The following RABEP1 variants were observed in gnomAD, a reference collection of about 807,000 sequenced individuals.
RABEP1 encodes the protein rabaptin, RAB GTPase binding effector protein 1.
Under a neutral mutation model 123.4 loss-of-function variants are expected in RABEP1, and 51 were observed. That is an observed-to-expected ratio of 0.41 (90% CI 0.33 to 0.52). RABEP1 has a LOEUF of 0.52. RABEP1 is among the 20% of genes least tolerant of loss of function. The pLI is 0.16. For synonymous variants in RABEP1, 347 were observed against 355.2 expected (o/e 0.98, Z 0.26); for missense variants, 888 against 996.3 (o/e 0.89, Z 1.46).
chr17:5,288,803 A>C (rs1459608996), intron 1 of RABEP1, among the ~76,000 whole-genome samples: 1 of 152,180 alleles, frequency 6.6e-6, no homozygotes, highest in African/African-American at 2.4e-5. Context: ...TCCCAGGTTC[A>C]GGCGATTCTC....
intron 1 of RABEP1, among the ~76,000 whole-genome samples, 172 bp from the exon 2 acceptor site, chr17:5,308,522 G>C (rs113530122): frequency 1.3e-5 from 2 of 152,248 alleles, no homozygotes; most frequent in African/African-American, 4.8e-5. Context: ...CACCATGCCT[G>C]GTCTGTCTTA....
chr17:5,382,735 G>A (rs1325816014), intron 17 of RABEP1, among the ~76,000 whole-genome samples: 1 of 151,904 alleles, frequency 6.6e-6, no homozygotes, highest in Admixed American at 6.6e-5. Flanking sequence ...CTGGGTGACG[G>A]AGCAATACTC....
At position 5,331,974 on chromosome 17, in the gene RABEP1, A is replaced by G; in HGVS notation, c.189A>G (p.Val63=). 2 of 1,614,016 alleles carry G rather than the reference A, an allele frequency of 1.2e-6. No homozygotes were observed. Among genetic ancestry groups the G allele is most frequent in the Non-Finnish European group, 1.7e-6 (2 of 1,179,932 alleles). Reference sequence around the variant, plus strand: ...AGGATCTGAAGAGGCAAAATGCAGTATTACAAGCTGCACAAGATGATTTGG... The same window carrying G: ...AGGATCTGAAGAGGCAAAATGCAGTGTTACAAGCTGCACAAGATGATTTGG... ...KEEDLKRQNA[V]LQAAQDDLGH... The change falls in exon 3 of 18, where the codon GTA becomes GTG. Residue 63 remains valine (V), a synonymous_variant. Coordinates refer to ENST00000537505, the MANE Select transcript of RABEP1 (RefSeq NM_004703.6).
intron 12 of RABEP1, chr17:5,371,354 A>C (rs543886027): frequency 1.3e-5 from 2 of 152,358 alleles, no homozygotes; most frequent in East Asian, 3.9e-4. Flanking sequence ...TCAAAAGTAT[A>C]AAAATAAATA....
intron 3 of RABEP1, among the ~76,000 whole-genome samples, chr17:5,334,446 G>A (rs1220792330): frequency 6.6e-6 from 1 of 152,104 alleles, no homozygotes; most frequent in Non-Finnish European, 1.5e-5. Context: ...TGGTCAGGCT[G>A]GTCTCGAACT....
chr17:5,293,313 A>G (rs1050370387), intron 1 of RABEP1, among the ~76,000 whole-genome samples: 1 of 151,858 alleles, frequency 6.6e-6, no homozygotes, highest in South Asian at 2.1e-4. Context: ...AAATCTGTAT[A>G]TCTTTCTCTC....
At chr17:5,345,144 G>A (rs1422032181) in intron 5 of RABEP1, among the ~76,000 whole-genome samples, 3 of 152,144 alleles carry the variant, frequency 2.0e-5, no homozygotes, top group Non-Finnish European at 4.4e-5. Context: ...GGGTTATAGA[G>A]AAATTGGTTG....
intron 2 of RABEP1, among the ~76,000 whole-genome samples, chr17:5,314,103 A>G (rs2075271126): frequency 6.6e-6 from 1 of 152,202 alleles, no homozygotes; most frequent in South Asian, 2.1e-4. Flanking sequence ...CAATAGGTCC[A>G]GCTTTTGCTT....
intron 2 of RABEP1, among the ~76,000 whole-genome samples, chr17:5,311,290 C>T (rs149259832): frequency 6.5e-4 from 99 of 152,252 alleles, no homozygotes; most frequent in African/African-American, 2.4e-3. Flanking sequence ...CCTAAAGTAA[C>T]ATCTTGTGCT....
chr17:5,373,358 G>A lies in RABEP1; in HGVS notation c.1929G>A (p.Val643=). 1 of 1,613,408 alleles carries A rather than the reference G, an allele frequency of 6.2e-7. No individual in the cohort carries two copies. The highest frequency in any genetic ancestry group is 8.5e-7 in the Non-Finnish European group (1 of 1,179,914). ...GGGAACAGGTTTCAGAAGAGCTGGT[G>A]AGGTTACAGAAAGATAATGACAGTC... ...QSREQVSEEL[V]RLQKDNDSLQ... The change falls in exon 13 of 18, where the codon GTG becomes GTA. Residue 643 remains valine, a synonymous_variant. Transcript: ENST00000537505.
intron 2 of RABEP1, among the ~76,000 whole-genome samples, chr17:5,310,667 A>T (rs2075229845): frequency 1.3e-5 from 2 of 152,054 alleles, no homozygotes; most frequent in African/African-American, 4.8e-5. Flanking sequence ...ATCCATTGTT[A>T]TCTGTTTAAC....
intron 1 of RABEP1, among the ~76,000 whole-genome samples, chr17:5,292,755 G>A (rs980720945): frequency 1.3e-5 from 2 of 152,060 alleles, no homozygotes. Flanking sequence ...GATCTTGCCC[G>A]ATTGCAATCT....
rs1911730435 is a variant in RABEP1, at chr17:5,384,012, C to CTCTTTTGAAGTGTTT, written c.*791_*805dup. ...GATAAAGCCGAACTGGTACCATCTA[C>CTCTTTTGAAGTGTTT]TCTTTTGAAGTGTTTTAGTCTAGTT... On this transcript the variant is annotated 3_prime_UTR_variant, in exon 18 of 18. Coordinates refer to ENST00000537505, the MANE Select transcript of RABEP1 (RefSeq NM_004703.6). 4.6e-6 allele frequency: 1 copy of CTCTTTTGAAGTGTTT among 219,306 alleles called. No homozygotes were observed. The highest frequency in any genetic ancestry group is 1.9e-4 in the South Asian group (1 of 5,404). The allele number at this position is 219,306 out of a possible 1,614,324, so 13.6% of individuals were successfully genotyped here. A position where few individuals can be genotyped will look rare whatever the true frequency, so the allele number is the denominator to read the frequency against.
intron 2 of RABEP1, among the ~76,000 whole-genome samples, chr17:5,322,524 C>T (rs937411697): frequency 6.6e-6 from 1 of 151,956 alleles, no homozygotes; most frequent in African/African-American, 2.4e-5. Context: ...GACTGCAATA[C>T]AATAATAGAG....
intron 7 of RABEP1, 26 bp downstream of exon 7, chr17:5,350,655 T>A: frequency 6.2e-7 from 1 of 1,611,058 alleles, no homozygotes; most frequent in Non-Finnish European, 8.5e-7. Context: ...TAGGACTGAT[T>A]TGCTTTGTCA....
intron 8 of RABEP1, chr17:5,360,873 TTG>T (rs1409849957): frequency 7.4e-6 from 2 of 269,602 alleles, no homozygotes; most frequent in East Asian, 1.7e-4. Flanking sequence ...CTGTTCGTAT[TTG>T]GGAGCTCTTT....
intron 2 of RABEP1, among the ~76,000 whole-genome samples, chr17:5,309,443 C>T (rs1005733400): frequency 2.6e-5 from 4 of 150,994 alleles, no homozygotes; most frequent in African/African-American, 2.5e-5. Context: ...CACCTGAGGT[C>T]GGGAGTTCAA....
chr17:5,373,607 G>C (rs566836812), intron 13 of RABEP1, among the ~76,000 whole-genome samples, 153 bp downstream of exon 13: 3 of 151,466 alleles, frequency 2.0e-5, no homozygotes, highest in African/African-American at 7.3e-5. Context: ...TGTACTCACA[G>C]ATGTGTGCAA....
intron 13 of RABEP1, among the ~76,000 whole-genome samples, chr17:5,375,893 G>C (rs1910953051): frequency 4.4e-5 from 6 of 136,926 alleles, no homozygotes. Context: ...TTTATTTTGA[G>C]ACAGAGTCTT....
Sources: gnomAD v4.1 joint callset for allele counts (sites outside exome capture counted in the v4.1 genomes callset) on GRCh38, gnomAD v4.1.1 for gene constraint, MANE v1.5 for transcripts, NCBI Gene and HGNC (gene_info 2026-07-23, HGNC 2026-07-21) for gene names.